WASHC3: variants seen among roughly 807,000 people sequenced by gnomAD.
WASHC3 encodes the protein WASH complex subunit 3.
A neutral mutation model predicts 26.1 loss-of-function variants in WASHC3; 24 were observed. The ratio of observed to expected loss-of-function variants is 0.92; its 90% CI spans 0.66 to 1.29. The LOEUF is 1.29. Among genes scored for constraint, WASHC3 ranks in the 50% most tolerant of loss-of-function variants. WASHC3 has a pLI of 0.00. For missense variants in WASHC3, 214 were observed against 229.6 expected (o/e 0.93, Z 0.44); for synonymous variants, 77 against 75.7 (o/e 1.02, Z -0.09).
chr12:102,041,812 C>A (rs758074378), intron 4 of WASHC3, among the ~76,000 whole-genome samples: 2 of 152,042 alleles, frequency 1.3e-5, no homozygotes. Flanking sequence ...TGGAAGCCAA[C>A]AGAACTTCAT....
intron 6 of WASHC3, among the ~76,000 whole-genome samples, chr12:102,022,108 C>T (rs1358362410): frequency 1.3e-5 from 2 of 152,186 alleles, no homozygotes; most frequent in East Asian, 3.8e-4. Flanking sequence ...TGCACCCTCC[C>T]ACTAAGGTTA....
upstream of WASHC3, chr12:102,062,048 T>C (rs562460246): frequency 2.1e-5 from 25 of 1,184,518 alleles, no homozygotes; most frequent in South Asian, 3.4e-4. Flanking sequence ...GTCTCAACTT[T>C]CCCCCCAAGT....
intron 6 of WASHC3, among the ~76,000 whole-genome samples, chr12:102,021,672 C>T (rs1437581235): frequency 6.6e-6 from 1 of 152,100 alleles, no homozygotes; most frequent in Non-Finnish European, 1.5e-5. Context: ...AGTAAAAACC[C>T]TATTTTTGGA....
At chr12:102,032,421 G>A (rs938022160) in intron 5 of WASHC3, among the ~76,000 whole-genome samples, 1 of 152,080 alleles carries the variant, frequency 6.6e-6, no homozygotes, top group African/African-American at 2.4e-5. Flanking sequence ...GAGAATTGTT[G>A]GAAAAGTGAT....
chr12:102,035,630 C>T (rs1877623048), intron 5 of WASHC3, among the ~76,000 whole-genome samples: 1 of 151,892 alleles, frequency 6.6e-6, no homozygotes, highest in Non-Finnish European at 1.5e-5. Context: ...CCAGGTAGCA[C>T]AAAGTGAAGA....
chr12:102,055,059 A>G (rs1479808938), intron 2 of WASHC3, among the ~76,000 whole-genome samples: 1 of 152,156 alleles, frequency 6.6e-6, no homozygotes, highest in Non-Finnish European at 1.5e-5. Flanking sequence ...TAATGATCGG[A>G]ACAGAAAAAA....
intron 5 of WASHC3, among the ~76,000 whole-genome samples, chr12:102,038,070 C>T (rs1229256617): frequency 6.6e-6 from 1 of 152,186 alleles, no homozygotes; most frequent in African/African-American, 2.4e-5. Context: ...GCTGGGATTA[C>T]AGGAGTGAGC....
intron 2 of WASHC3, among the ~76,000 whole-genome samples, chr12:102,055,115 A>T (rs1342273426): frequency 6.6e-6 from 1 of 152,168 alleles, no homozygotes; most frequent in African/African-American, 2.4e-5. Context: ...TGAAACTAAG[A>T]GCTGGATTTT....
At chr12:102,043,646 C>T (rs1878035977) in intron 4 of WASHC3, 2 of 152,254 alleles carry the variant, frequency 1.3e-5, no homozygotes, top group Admixed American at 1.3e-4. Flanking sequence ...CAAAACTTTT[C>T]AGAGATGCTC....
intron 6 of WASHC3, chr12:102,019,377 A>G: frequency 2.5e-6 from 1 of 392,176 alleles, no homozygotes; most frequent in South Asian, 1.9e-5. Context: ...TCACCCTACA[A>G]GTTGTTTTTC....
chr12:102,050,658 GAAAA>G (rs772432454), intron 2 of WASHC3: 3 of 419,938 alleles, frequency 7.1e-6, no homozygotes, highest in Non-Finnish European at 1.4e-5. Context: ...GAAAAGAAAA[GAAAA>G]AAAAATTATT....
chr12:102,049,721 C>T (rs1381822792), intron 2 of WASHC3, among the ~76,000 whole-genome samples: 2 of 151,964 alleles, frequency 1.3e-5, no homozygotes, highest in Admixed American at 6.6e-5. Context: ...CTTGGTATAC[C>T]CCACTGTGTT....
intron 5 of WASHC3, among the ~76,000 whole-genome samples, chr12:102,038,618 T>A (rs1877782190): frequency 6.6e-6 from 1 of 152,222 alleles, no homozygotes; most frequent in South Asian, 2.1e-4. Flanking sequence ...GTGTTCATCA[T>A]GATTCATACT....
At chr12:102,016,998 C>T (rs1317044155) in intron 6 of WASHC3, among the ~76,000 whole-genome samples, 3 of 152,018 alleles carry the variant, frequency 2.0e-5, no homozygotes, top group Non-Finnish European at 2.9e-5. Context: ...ACATCCTAGG[C>T]CTTCATATTC....
upstream of WASHC3, chr12:102,062,012 TG>T (rs1485986443): frequency 8.7e-6 from 13 of 1,498,574 alleles, no homozygotes; most frequent in South Asian, 1.5e-4. Flanking sequence ...CCCTCCCAGA[TG>T]GGGCCCGCCC....
At chr12:102,050,564 G>A in intron 2 of WASHC3, 1 of 453,226 alleles carries the variant, frequency 2.2e-6, no homozygotes, top group South Asian at 1.6e-5. Flanking sequence ...GATCACTTGA[G>A]CCCAGGAAGT....
chr12:102,045,726 C>A (rs1351972523), intron 3 of WASHC3, among the ~76,000 whole-genome samples: 1 of 152,122 alleles, frequency 6.6e-6, no homozygotes, highest in Non-Finnish European at 1.5e-5. Flanking sequence ...ATTGTATTAT[C>A]AAATAATAAC....
intron 6 of WASHC3, chr12:102,019,330 T>C: frequency 3.0e-6 from 1 of 337,070 alleles, no homozygotes; most frequent in African/African-American, 2.2e-5. Flanking sequence ...GGAACAGAAA[T>C]TTGGCTCTGC....
chr12:102,013,444 C>T (rs1041036746), intron 6 of WASHC3, among the ~76,000 whole-genome samples: 1 of 152,206 alleles, frequency 6.6e-6, no homozygotes, highest in Non-Finnish European at 1.5e-5. Flanking sequence ...TACTTCAGCA[C>T]TTTCTGCTTC....
Sources: gnomAD v4.1 joint callset for allele counts (sites outside exome capture counted in the v4.1 genomes callset) on GRCh38, gnomAD v4.1.1 for gene constraint, MANE v1.5 for transcripts, NCBI Gene and HGNC (gene_info 2026-07-23, HGNC 2026-07-21) for gene names.